The following OPCML variants were observed in gnomAD, a reference collection of about 807,000 sequenced individuals.
The protein encoded by OPCML is opioid binding protein/cell adhesion molecule like.
In OPCML, 13 loss-of-function variants were observed where a neutral mutation model predicts 37.8. That is an observed-to-expected ratio of 0.34 (90% confidence interval 0.22 to 0.55). The LOEUF (loss-of-function observed/expected upper bound fraction) is 0.55, where lower values mean the gene tolerates loss of function less well. OPCML is among the 20% of genes least tolerant of loss of function. OPCML has a pLI of 0.91. For missense variants in OPCML, 341 were observed against 435.6 expected, an observed-to-expected ratio of 0.78 and a Z score of 1.93; for synonymous variants, 176 against 168.8, an observed-to-expected ratio of 1.04 and a Z score of -0.33.
intron 1 of OPCML, among the ~76,000 whole-genome samples, chr11:133,196,244 T>C (rs1938532781): frequency 6.6e-6 from 1 of 152,226 alleles, no homozygotes; most frequent in Non-Finnish European, 1.5e-5. Context: ...ATTCTGCCCC[T>C]GAGCCTTGCT....
At chr11:133,058,027 G>A (rs1948272118) in intron 1 of OPCML, among the ~76,000 whole-genome samples, 1 of 152,240 alleles carries the variant, frequency 6.6e-6, no homozygotes. Flanking sequence ...CTAGAGCTAT[G>A]TCTGTTTTAC....
intron 1 of OPCML, among the ~76,000 whole-genome samples, chr11:133,038,973 C>T (rs1455274908): frequency 6.6e-6 from 1 of 152,178 alleles, no homozygotes; most frequent in Non-Finnish European, 1.5e-5. Flanking sequence ...CAGAAATCAG[C>T]GGGACCCACA....
chr11:132,766,736 G>A (rs1341321643), intron 2 of OPCML, among the ~76,000 whole-genome samples: 1 of 151,762 alleles, frequency 6.6e-6, no homozygotes, highest in African/African-American at 2.4e-5. Flanking sequence ...ACAGAAGAAG[G>A]CTAAAACCAT....
chr11:132,460,595 T>C (rs1461454319), intron 4 of OPCML, among the ~76,000 whole-genome samples: 2 of 152,214 alleles, frequency 1.3e-5, no homozygotes, highest in African/African-American at 2.4e-5. Flanking sequence ...GCTTGGTATC[T>C]TGATGGCAAA....
intron 1 of OPCML, among the ~76,000 whole-genome samples, chr11:132,974,081 T>C (rs1296652345): frequency 1.3e-5 from 2 of 152,244 alleles, no homozygotes; most frequent in South Asian, 2.1e-4. Context: ...TCTCTGGCCA[T>C]GCTTTGGGTT....
Position 132,558,507 on chromosome 11 carries a change from G to A in OPCML, c.380-29321C>T, listed in dbSNP as rs866895143. Among the ~76,000 whole-genome samples the A allele has an allele frequency of 4.6e-3, 212 of 46,112 alleles. 3 individuals carry two copies. Among genetic ancestry groups the A allele is most frequent in the African/African-American group, 0.017 (200 of 11,776 alleles). The allele number at this position is 46,112 out of a possible 152,430, so 30.3% of individuals were successfully genotyped here. On this transcript the variant is annotated intron_variant, in intron 3 of 7. Coordinates refer to ENST00000524381, the MANE Select transcript of OPCML (RefSeq NM_001012393.5). ...CTCCTCCTCCTCCCCTCCTCCCCCC[G>A]CCCCGTTTTCTTCTTCTCTTCTTCT...
At chr11:132,881,305 T>C (rs1943214637) in intron 2 of OPCML, among the ~76,000 whole-genome samples, 1 of 152,198 alleles carries the variant, frequency 6.6e-6, no homozygotes, top group African/African-American at 2.4e-5. Context: ...GGGTTCCAGA[T>C]ACTTATTGGA....
At chr11:132,663,111 A>G (rs1202553686) in intron 2 of OPCML, among the ~76,000 whole-genome samples, 1 of 152,218 alleles carries the variant, frequency 6.6e-6, no homozygotes, top group Non-Finnish European at 1.5e-5. Flanking sequence ...GATAATACCA[A>G]AGATCCTAGA....
intron 1 of OPCML, among the ~76,000 whole-genome samples, chr11:133,101,562 T>C (rs896080637): frequency 6.6e-6 from 1 of 152,136 alleles, no homozygotes; most frequent in Non-Finnish European, 1.5e-5. Context: ...ACACTGACAA[T>C]ATCAAATGTT....
intron 7 of OPCML, among the ~76,000 whole-genome samples, chr11:132,435,540 T>C (rs887238923): frequency 2.4e-4 from 37 of 152,228 alleles, no homozygotes; most frequent in African/African-American, 7.7e-4. Flanking sequence ...CAGTCCTGGC[T>C]CCCAAGCCTT....
At chr11:132,790,459 T>C (rs755900605) in intron 2 of OPCML, among the ~76,000 whole-genome samples, 1 of 152,228 alleles carries the variant, frequency 6.6e-6, no homozygotes, top group Admixed American at 6.5e-5. Flanking sequence ...TATCAAAATA[T>C]CACCTGTGAA....
At chr11:132,743,446 G>C (rs1042720032) in intron 2 of OPCML, among the ~76,000 whole-genome samples, 3 of 152,162 alleles carry the variant, frequency 2.0e-5, no homozygotes, top group African/African-American at 7.2e-5. Context: ...AGGATTATGG[G>C]AAGGACATCT....
chr11:132,998,183 A>G (rs1290141366), intron 1 of OPCML, among the ~76,000 whole-genome samples: 1 of 152,038 alleles, frequency 6.6e-6, no homozygotes, highest in East Asian at 1.9e-4. Context: ...TCACGGTTCC[A>G]CTCATGAGGG....
At chr11:133,445,252 G>T (rs561678176) in intron 1 of OPCML, among the ~76,000 whole-genome samples, 27 of 152,176 alleles carry the variant, frequency 1.8e-4, no homozygotes, top group Admixed American at 1.6e-3. Flanking sequence ...GGTATGAAAG[G>T]TCACCAAGAG....
At chr11:132,999,572 G>C (rs112320898) in intron 1 of OPCML, among the ~76,000 whole-genome samples, 1 of 150,754 alleles carries the variant, frequency 6.6e-6, no homozygotes, top group Non-Finnish European at 1.5e-5. Context: ...ATGGGGTCGG[G>C]GGGGGAATGC....
intron 3 of OPCML, among the ~76,000 whole-genome samples, chr11:132,561,563 C>T (rs2096410849): frequency 6.6e-6 from 1 of 152,214 alleles, no homozygotes; most frequent in Admixed American, 6.5e-5. Context: ...CAATAAATGC[C>T]TATTGTTGGC....
At chr11:132,592,067 T>C (rs933057224) in intron 3 of OPCML, among the ~76,000 whole-genome samples, 3 of 152,156 alleles carry the variant, frequency 2.0e-5, no homozygotes, top group Non-Finnish European at 2.9e-5. Context: ...ATACAGAAAA[T>C]GTGTGTGATA....
At chr11:133,071,303 T>C (rs181532319) in intron 1 of OPCML, among the ~76,000 whole-genome samples, 1 of 152,270 alleles carries the variant, frequency 6.6e-6, no homozygotes, top group East Asian at 1.9e-4. Context: ...TGTTTCTTAC[T>C]AGCTCAGCAA....
At chr11:133,012,287 A>T (rs1041908902) in intron 1 of OPCML, among the ~76,000 whole-genome samples, 2 of 152,208 alleles carry the variant, frequency 1.3e-5, no homozygotes, top group African/African-American at 4.8e-5. Context: ...CCTGGCGTAG[A>T]CAAGGAAAAC....
Sources: gnomAD v4.1 joint callset for allele counts (sites outside exome capture counted in the v4.1 genomes callset) on GRCh38, gnomAD v4.1.1 for gene constraint, MANE v1.5 for transcripts, NCBI Gene and HGNC (gene_info 2026-07-23, HGNC 2026-07-21) for gene names.